The following CPNE8 variants were observed in gnomAD, a reference collection of about 807,000 sequenced individuals.
The protein encoded by CPNE8 is copine 8, also known as copine-8.
In CPNE8, 45 loss-of-function variants were observed where a neutral mutation model predicts 81.5. The observed-to-expected ratio is 0.55, with a 90% confidence interval of 0.44 to 0.71. The LOEUF is 0.71. Among genes scored for constraint, CPNE8 ranks in the 30% least tolerant of loss-of-function variants. The probability of loss-of-function intolerance (pLI) is 0.00; values close to 1 mark genes in which losing one functional copy is unlikely to be tolerated. For missense variants in CPNE8, 594 were observed against 672.1 expected (o/e 0.88, Z 1.28); for synonymous variants, 252 against 226.3 (o/e 1.11, Z -1.02).
At chr12:38,731,851 AT>A (rs1309957677) in intron 10 of CPNE8, among the ~76,000 whole-genome samples, 1 of 151,958 alleles carries the variant, frequency 6.6e-6, no homozygotes, top group Non-Finnish European at 1.5e-5. Flanking sequence ...AACACATAAA[AT>A]AATTCTCTTT....
chr12:38,870,576 A>G (rs1399792534), intron 3 of CPNE8, among the ~76,000 whole-genome samples: 1 of 152,150 alleles, frequency 6.6e-6, no homozygotes, highest in African/African-American at 2.4e-5. Flanking sequence ...CTCCCTCATA[A>G]GTGGGAGTTA....
At chr12:38,674,187 C>T (rs1052360666) in intron 18 of CPNE8, among the ~76,000 whole-genome samples, 4 of 152,060 alleles carry the variant, frequency 2.6e-5, no homozygotes, top group African/African-American at 9.7e-5. Context: ...AGCAAAACGG[C>T]TGTGCCTGCT....
chr12:38,780,988 C>T (rs1232974940), intron 6 of CPNE8, among the ~76,000 whole-genome samples: 19 of 151,746 alleles, frequency 1.3e-4, no homozygotes, highest in Admixed American at 1.2e-3. Flanking sequence ...ACTAAAATAA[C>T]AAATACAAAT....
At chr12:38,761,341 C>T (rs1435082498) in intron 9 of CPNE8, among the ~76,000 whole-genome samples, 2 of 152,110 alleles carry the variant, frequency 1.3e-5, no homozygotes, top group African/African-American at 2.4e-5. Flanking sequence ...TATGAGATCA[C>T]CAGGTGATGC....
At chr12:38,670,920 G>A (rs949701898) in intron 18 of CPNE8, 118 bp from the exon 19 acceptor site, 1 of 651,084 alleles carries the variant, frequency 1.5e-6, no homozygotes, top group Admixed American at 2.9e-5. Context: ...AAGACAGAAA[G>A]CATGTTGATC....
intron 3 of CPNE8, among the ~76,000 whole-genome samples, chr12:38,850,017 G>C (rs936833968): frequency 6.6e-6 from 1 of 152,084 alleles, no homozygotes; most frequent in Non-Finnish European, 1.5e-5. Flanking sequence ...ATAGGCCCTG[G>C]AGAAGATACA....
At chr12:38,852,377 C>T (rs1264596086) in intron 3 of CPNE8, among the ~76,000 whole-genome samples, 11 of 141,804 alleles carry the variant, frequency 7.8e-5, no homozygotes, top group South Asian at 4.3e-4. Flanking sequence ...TGCAGTGAGC[C>T]AAGATCGCGC....
At chr12:38,749,107 G>A (rs182152106) in intron 10 of CPNE8, among the ~76,000 whole-genome samples, 144 of 152,172 alleles carry the variant, frequency 9.5e-4, no homozygotes, top group African/African-American at 3.2e-3. Flanking sequence ...TCATGGGGGC[G>A]GGTCTTTCTC....
At chr12:38,741,765 T>C (rs1312129569) in intron 10 of CPNE8, among the ~76,000 whole-genome samples, 2 of 152,050 alleles carry the variant, frequency 1.3e-5, no homozygotes, top group Non-Finnish European at 2.9e-5. Context: ...ATTTTTGCAA[T>C]CTTCTCATCT....
chr12:38,863,537 A>G lies in CPNE8; in HGVS notation c.186+9467T>C, dbSNP rs145470492. ...CAAAGAAGTAAATTTATAGATCAAT[A>G]TAATTCATAACAGGCAAAATTCTAA... On this transcript the variant is annotated intron_variant, in intron 3 of 19. Transcript: ENST00000331366. Among the ~76,000 whole-genome samples the G allele has an allele frequency of 4.1e-3, 626 of 152,356 alleles. 9 individuals carry two copies. Among genetic ancestry groups the G allele is most frequent in the South Asian group, 0.032 (157 of 4,832 alleles).
chr12:38,696,078 T>A (rs961198405), intron 14 of CPNE8, among the ~76,000 whole-genome samples: 49 of 152,266 alleles, frequency 3.2e-4, no homozygotes, highest in Admixed American at 4.6e-4. Flanking sequence ...TAAAAAAATA[T>A]AATTAGTACC....
intron 3 of CPNE8, among the ~76,000 whole-genome samples, chr12:38,853,699 A>G (rs1943683014): frequency 6.6e-6 from 1 of 152,106 alleles, no homozygotes; most frequent in Non-Finnish European, 1.5e-5. Context: ...TTTATGCTTG[A>G]GCTAATTGGA....
At chr12:38,860,090 G>A (rs1016550914) in intron 3 of CPNE8, among the ~76,000 whole-genome samples, 1 of 151,962 alleles carries the variant, frequency 6.6e-6, no homozygotes, top group Non-Finnish European at 1.5e-5. Flanking sequence ...CTTTTCCATG[G>A]CAAAGGAAAG....
intron 1 of CPNE8, among the ~76,000 whole-genome samples, chr12:38,891,499 A>G (rs186162095): frequency 1.3e-5 from 2 of 151,782 alleles, no homozygotes; most frequent in Admixed American, 1.3e-4. Flanking sequence ...CCAGGCTGGA[A>G]TGCAATGGCA....
chr12:38,741,511 A>G (rs1279683325), intron 10 of CPNE8, among the ~76,000 whole-genome samples: 1 of 152,158 alleles, frequency 6.6e-6, no homozygotes. Flanking sequence ...CCTTCCTTAC[A>G]CCTTATACAA....
chr12:38,866,898 A>G (rs1044389678), intron 3 of CPNE8, among the ~76,000 whole-genome samples: 1 of 152,088 alleles, frequency 6.6e-6, no homozygotes, highest in African/African-American at 2.4e-5. Flanking sequence ...TCGCTCTGTC[A>G]CCCAGGCTGG....
chr12:38,747,235 A>C (rs1481100979), intron 10 of CPNE8, among the ~76,000 whole-genome samples: 1 of 152,212 alleles, frequency 6.6e-6, no homozygotes, highest in Non-Finnish European at 1.5e-5. Context: ...ATCCTTTGTA[A>C]TGTCACTGCC....
chr12:38,688,550 G>A (rs1247254922), intron 15 of CPNE8, among the ~76,000 whole-genome samples: 1 of 151,824 alleles, frequency 6.6e-6, no homozygotes, highest in African/African-American at 2.4e-5. Context: ...GCAAAAATAT[G>A]GAACCAGTCT....
chr12:38,819,691 C>A (rs140178832), intron 6 of CPNE8, among the ~76,000 whole-genome samples: 1 of 141,930 alleles, frequency 7.0e-6, no homozygotes, highest in Non-Finnish European at 1.5e-5. Flanking sequence ...GGTGTGAACC[C>A]GGGAGGCGGA....
Sources: gnomAD v4.1 joint callset for allele counts (sites outside exome capture counted in the v4.1 genomes callset) on GRCh38, gnomAD v4.1.1 for gene constraint, MANE v1.5 for transcripts, NCBI Gene and HGNC (gene_info 2026-07-23, HGNC 2026-07-21) for gene names.